Variants in PCDHGA4 observed in about 807,000 individuals in gnomAD.
PCDHGA4 encodes the protein protocadherin gamma-A4.
A neutral mutation model predicts 54.6 loss-of-function variants in PCDHGA4; 38 were observed. The ratio of observed to expected loss-of-function variants is 0.70; its 90% CI spans 0.54 to 0.91. The LOEUF is 0.91. Among genes scored for constraint, PCDHGA4 ranks in the 40% least tolerant of loss-of-function variants. The pLI, the probability that PCDHGA4 is intolerant of heterozygous loss-of-function variation, is 0.00. For missense variants in PCDHGA4, 1,298 were observed against 1,220.9 expected, an observed-to-expected ratio of 1.06 and a Z score of -0.94; for synonymous variants, 511 against 512.9, an observed-to-expected ratio of 1.00 and a Z score of 0.05.
At chr5:141,400,498 A>G (rs1181845890) in intron 1 of PCDHGA4, 2 of 1,614,034 alleles carry the variant, frequency 1.2e-6, no homozygotes, top group Non-Finnish European at 1.7e-6. Flanking sequence ...TTGTAATTCC[A>G]GCGAGTCGAC....
intron 1 of PCDHGA4, chr5:141,422,569 G>A (rs1219842498): frequency 6.2e-7 from 1 of 1,613,984 alleles, no homozygotes; most frequent in Admixed American, 1.7e-5. Context: ...AGATGACAAC[G>A]ATAACCCTCC....
intron 1 of PCDHGA4, chr5:141,360,702 T>C: frequency 6.2e-7 from 1 of 1,613,942 alleles, no homozygotes; most frequent in Non-Finnish European, 8.5e-7. Context: ...CAGATGGTCG[T>C]AAATATCCTG....
chr5:141,438,063 A>T (rs540817874), intron 1 of PCDHGA4, among the ~76,000 whole-genome samples: 1 of 152,106 alleles, frequency 6.6e-6, no homozygotes, highest in Non-Finnish European at 1.5e-5. Context: ...CTTTTAAGAA[A>T]CCATACTTAA....
intron 2 of PCDHGA4, among the ~76,000 whole-genome samples, chr5:141,500,281 T>A (rs1254933339): frequency 2.0e-5 from 3 of 151,934 alleles, no homozygotes; most frequent in Non-Finnish European, 4.4e-5. Context: ...CAATCTCGGC[T>A]CACTGCAAGC....
At chr5:141,413,344 G>A in intron 1 of PCDHGA4, 1 of 1,613,986 alleles carries the variant, frequency 6.2e-7, no homozygotes. Context: ...CAAGGACTTG[G>A]GTCTGGCGCC....
chr5:141,383,259 C>G (rs768704302), intron 1 of PCDHGA4: 1 of 1,613,810 alleles, frequency 6.2e-7, no homozygotes, highest in South Asian at 1.1e-5. Context: ...ACCCTATAGA[C>G]GTGGAAATAA....
In PCDHGA4 at chr5:141,384,530, G is replaced by T. The variant is rs772652132; in HGVS notation, c.2514+26909G>T. The T allele has an allele frequency of 1.7e-5, 28 of 1,614,238 alleles. No individual in the cohort carries two copies. In the South Asian group the frequency reaches 2.6e-4, roughly 15 times the overall value. On this transcript the variant is annotated intron_variant, in intron 1 of 3. Coordinates refer to ENST00000571252, the MANE Select transcript of PCDHGA4 (RefSeq NM_018917.4). ...GACAGCGGGGACCCGCCTCTCAGCA[G>T]CAACATGTCACTGAGCCTGTTCGTG...
chr5:141,390,396 T>G, intron 1 of PCDHGA4: 2 of 1,374,352 alleles, frequency 1.5e-6, no homozygotes, highest in Admixed American at 2.2e-5. Context: ...ATGGATCATT[T>G]TAGGAAAGTT....
At chr5:141,357,757 G>T in intron 1 of PCDHGA4, 136 bp downstream of exon 1, 3 of 1,061,912 alleles carry the variant, frequency 2.8e-6, no homozygotes, top group Non-Finnish European at 4.0e-6. Flanking sequence ...AAAACTGGTG[G>T]ATGACCTTCC....
intron 1 of PCDHGA4, chr5:141,422,532 A>G (rs752364905): frequency 6.2e-7 from 1 of 1,614,030 alleles, no homozygotes; most frequent in South Asian, 1.1e-5. Flanking sequence ...CTTTGTCTGC[A>G]GAAACTCATG....
At chr5:141,410,195 G>C (rs769655902) in intron 1 of PCDHGA4, 1 of 1,613,966 alleles carries the variant, frequency 6.2e-7, no homozygotes, top group South Asian at 1.1e-5. Flanking sequence ...TCTGGTCTTC[G>C]CAGACAACTT....
intron 1 of PCDHGA4, chr5:141,478,265 G>C: frequency 1.2e-6 from 2 of 1,614,196 alleles, no homozygotes; most frequent in Non-Finnish European, 1.7e-6. Flanking sequence ...CATATTCAAA[G>C]TTTACAAGTG....
chr5:141,415,428 G>A, intron 1 of PCDHGA4: 1 of 1,614,206 alleles, frequency 6.2e-7, no homozygotes, highest in Non-Finnish European at 8.5e-7. Flanking sequence ...ACGGGGTTCG[G>A]GCTTTCCTGC....
intron 1 of PCDHGA4, chr5:141,392,959 C>T (rs2092637209): frequency 6.2e-7 from 1 of 1,613,902 alleles, no homozygotes; most frequent in African/African-American, 1.3e-5. Flanking sequence ...GGTAATATCT[C>T]CAAGGACCTG....
chr5:141,355,191 C>G lies in PCDHGA4; in HGVS notation c.84C>G (p.Gly28=). ...AACCGAAGCACAGGCGACTCCGCGG[C>G]GGGGTTGTAATGGCGGCGCCTCCTG... ...EGKPKHRRLR[G]GVVMAAPPAR... is the part of the protein sequence containing the mutation. The change falls in exon 1 of 4, where the codon GGC becomes GGG. Residue 28 remains glycine (G), a synonymous_variant. Coordinates refer to ENST00000571252, the MANE Select transcript of PCDHGA4 (RefSeq NM_018917.4). The G allele has an allele frequency of 6.3e-7, 1 of 1,591,882 alleles. No individual in the cohort carries two copies. Among genetic ancestry groups the G allele is most frequent in the East Asian group, 2.2e-5 (1 of 44,624 alleles).
chr5:141,422,397 C>T (rs753017439), intron 1 of PCDHGA4: 4 of 1,597,606 alleles, frequency 2.5e-6, no homozygotes, highest in East Asian at 4.5e-5. Context: ...TTCCTAACCA[C>T]CTGCCTTTTA....
At chr5:141,508,823 G>A (rs1445894402) in intron 3 of PCDHGA4, among the ~76,000 whole-genome samples, 1 of 151,966 alleles carries the variant, frequency 6.6e-6, no homozygotes, top group Admixed American at 6.6e-5. Flanking sequence ...GCCAGATCTG[G>A]GCCCCCCTCC....
At chr5:141,418,015 G>T (rs1385008648) in intron 1 of PCDHGA4, 1 of 1,613,964 alleles carries the variant, frequency 6.2e-7, no homozygotes, top group Non-Finnish European at 8.5e-7. Context: ...ACCTCGCTAA[G>T]GATCTAGGGC....
rs1001412632 is a variant in PCDHGA4, at chr5:141,493,097, A to G, written c.2515-1710A>G. On this transcript the variant is annotated intron_variant, in intron 1 of 3. Transcript: ENST00000571252. The surrounding 1 kb of genome is among the most constrained non-coding windows in gnomAD (Gnocchi z 4.3). ...AACTCCAGGAGCTTTTATTCAAAAT[A>G]TATCAATGCCTAACTCTGCTCCTAG... Among the ~76,000 whole-genome samples, 1 of 152,224 alleles carries G rather than the reference A, an allele frequency of 6.6e-6. No homozygotes were observed. The highest frequency in any genetic ancestry group is 2.4e-5 in the African/African-American group (1 of 41,456).
Sources: allele counts gnomAD v4.1 joint callset (sites outside exome capture counted in the v4.1 genomes callset), GRCh38; gene constraint gnomAD v4.1.1; non-coding constraint Gnocchi (gnomAD v3.1); transcripts MANE v1.5; gene names NCBI Gene and HGNC (gene_info 2026-07-23, HGNC 2026-07-21).